The following ATAD2B variants were observed in gnomAD, a reference collection of about 807,000 sequenced individuals.
ATAD2B encodes the protein ATPase family AAA domain-containing protein 2B.
In ATAD2B, 40 loss-of-function variants were observed where a neutral mutation model predicts 167.6. The ratio of observed to expected loss-of-function variants is 0.24; its 90% CI spans 0.19 to 0.31. ATAD2B has a LOEUF of 0.31. ATAD2B is among the 10% of genes least tolerant of loss of function. ATAD2B has a pLI of 1.00. For missense variants in ATAD2B, 1,242 were observed against 1,757.2 expected, an observed-to-expected ratio of 0.71 and a Z score of 5.24; for synonymous variants, 579 against 596.5, an observed-to-expected ratio of 0.97 and a Z score of 0.43.
intron 20 of ATAD2B, 118 bp downstream of exon 20, chr2:23,788,394 C>A: frequency 1.7e-6 from 2 of 1,150,114 alleles, no homozygotes; most frequent in Non-Finnish European, 1.2e-6. Context: ...TAAAGATAAA[C>A]AGAACCTGAC....
chr2:23,767,471 T>C (rs1296247160), intron 22 of ATAD2B, among the ~76,000 whole-genome samples: 3 of 152,136 alleles, frequency 2.0e-5, no homozygotes, highest in Non-Finnish European at 2.9e-5. Context: ...AAAAAGAAAA[T>C]TTTATATTCA....
At chr2:23,863,592 T>C in intron 11 of ATAD2B, 37 bp from the exon 12 acceptor site, 1 of 1,505,478 alleles carries the variant, frequency 6.6e-7, no homozygotes, top group Non-Finnish European at 8.9e-7. Flanking sequence ...GTAAATTATA[T>C]TATCATCACT....
At chr2:23,747,345 A>C (rs939270446), downstream of ATAD2B, among the ~76,000 whole-genome samples, 8 of 151,298 alleles carry the variant, frequency 5.3e-5, no homozygotes, top group Admixed American at 1.3e-4. Flanking sequence ...ATACATACAT[A>C]GTATGTATAT....
chr2:23,728,286 C>T, the ATAD2B span, among the ~76,000 whole-genome samples: 1 of 151,924 alleles, frequency 6.6e-6, no homozygotes, highest in African/African-American at 2.4e-5. Flanking sequence ...TATAATAGTT[C>T]CCTTTTGTAT....
chr2:23,872,519 G>A (rs1696156592), intron 8 of ATAD2B: 1 of 848,664 alleles, frequency 1.2e-6, no homozygotes, highest in Admixed American at 1.8e-5. Context: ...CAAAACGGCA[G>A]AGCTCTGGCT....
chr2:23,808,068 A>AATATATTAGTAATTATATATATAATTAT (rs1684829126), intron 18 of ATAD2B, among the ~76,000 whole-genome samples: 1 of 60,952 alleles, frequency 1.6e-5, no homozygotes, highest in Admixed American at 2.0e-4. Context: ...TATAAATTAT[A>AATATATTAGTAATTATATATATAATTAT]ATATATAAGT....
the ATAD2B span, among the ~76,000 whole-genome samples, chr2:23,737,841 G>C: frequency 6.6e-6 from 1 of 152,206 alleles, no homozygotes; most frequent in Non-Finnish European, 1.5e-5. Flanking sequence ...AACCAATGCA[G>C]AGAAGTCCTT....
At chr2:23,780,850 A>G (rs1009134117) in intron 22 of ATAD2B, among the ~76,000 whole-genome samples, 2 of 151,940 alleles carry the variant, frequency 1.3e-5, no homozygotes, top group African/African-American at 4.8e-5. Context: ...GTTACAGTGA[A>G]CCACTATCGC....
intron 1 of ATAD2B, among the ~76,000 whole-genome samples, chr2:23,908,572 A>G (rs1401267698): frequency 3.3e-5 from 5 of 152,192 alleles, no homozygotes; most frequent in Non-Finnish European, 7.3e-5. Flanking sequence ...TGTGGAAGTC[A>G]GTGTGGCGAT....
chr2:23,810,837 C>A (rs4384732), intron 17 of ATAD2B, among the ~76,000 whole-genome samples: 67,883 of 151,298 alleles, frequency 0.45, 16,037 homozygotes, highest in East Asian at 0.78. Context: ...ATGGTGAAAC[C>A]CCGTCTCTAC....
intron 1 of ATAD2B, among the ~76,000 whole-genome samples, chr2:23,914,582 G>C (rs1032579872): frequency 2.8e-4 from 42 of 152,128 alleles, no homozygotes; most frequent in African/African-American, 1.0e-3. Context: ...GCTCACACCT[G>C]TAATCCCAGC....
chr2:23,766,933 A>C (rs1677505852), intron 22 of ATAD2B, among the ~76,000 whole-genome samples: 2 of 151,526 alleles, frequency 1.3e-5, no homozygotes. Context: ...AAAAAAAAAA[A>C]CAACTAGTGC....
intron 1 of ATAD2B, chr2:23,900,847 T>C (rs1268272770): frequency 6.6e-6 from 1 of 152,330 alleles, no homozygotes; most frequent in African/African-American, 2.4e-5. Flanking sequence ...CAAATCAGTG[T>C]GATCCTGAGG....
chr2:23,693,434 A>T, the ATAD2B span: 1 of 1,551,610 alleles, frequency 6.4e-7, no homozygotes, highest in Non-Finnish European at 8.7e-7. Context: ...TTCATCGCCT[A>T]CGTCTCCAAC....
chr2:23,873,529 G>A (rs1419972120), intron 8 of ATAD2B, among the ~76,000 whole-genome samples: 7 of 152,078 alleles, frequency 4.6e-5, no homozygotes, highest in Admixed American at 2.0e-4. Flanking sequence ...AAGACTTAAC[G>A]TAAGAGTTAC....
the ATAD2B span, among the ~76,000 whole-genome samples, chr2:23,734,140 C>T: frequency 6.6e-6 from 1 of 152,018 alleles, no homozygotes; most frequent in African/African-American, 2.4e-5. Context: ...AAGAGAATTA[C>T]CCGATACTGG....
At chr2:23,784,387 G>C (rs1465032346) in intron 21 of ATAD2B, among the ~76,000 whole-genome samples, 1 of 152,032 alleles carries the variant, frequency 6.6e-6, no homozygotes, top group African/African-American at 2.4e-5. Flanking sequence ...CCTTCCCAGA[G>C]ACTCCTATGT....
At chr2:23,904,481 G>C (rs1178397918) in intron 1 of ATAD2B, among the ~76,000 whole-genome samples, 1 of 150,726 alleles carries the variant, frequency 6.6e-6, no homozygotes, top group Non-Finnish European at 1.5e-5. Flanking sequence ...TCTTACAAAA[G>C]TGTCAGAATT....
chr2:23,731,692 T>C, the ATAD2B span, among the ~76,000 whole-genome samples: 5 of 152,210 alleles, frequency 3.3e-5, no homozygotes, highest in Admixed American at 3.3e-4. Context: ...ATGCAATCAA[T>C]AAACTATTAA....
Sources: allele counts gnomAD v4.1 joint callset (sites outside exome capture counted in the v4.1 genomes callset), GRCh38; gene constraint gnomAD v4.1.1; transcripts MANE v1.5; gene names NCBI Gene and HGNC (gene_info 2026-07-23, HGNC 2026-07-21).